The following PCDHGA4 variants were observed in gnomAD, a reference collection of about 807,000 sequenced individuals.
PCDHGA4 encodes protocadherin gamma-A4.
PCDHGA4 carries 38 observed loss-of-function variants against 54.6 expected under a neutral mutation model. The ratio of observed to expected loss-of-function variants is 0.70; its 90% CI spans 0.54 to 0.91. The LOEUF is 0.91. Ranked by LOEUF, PCDHGA4 falls within the 40% of genes least tolerant of loss-of-function variation. PCDHGA4 has a pLI of 0.00. For synonymous variants in PCDHGA4, 511 were observed against 512.9 expected, an observed-to-expected ratio of 1.00 and a Z score of 0.05; for missense variants, 1,298 against 1,220.9, an observed-to-expected ratio of 1.06 and a Z score of -0.94.
chr5:141,497,573 T>C (rs1231425210), intron 2 of PCDHGA4, among the ~76,000 whole-genome samples: 1 of 149,502 alleles, frequency 6.7e-6, no homozygotes, highest in South Asian at 2.1e-4. Context: ...AGAGTCTTGC[T>C]CTGTTGCCCA....
intron 1 of PCDHGA4, chr5:141,377,922 C>A (rs1453139299): frequency 6.6e-6 from 1 of 152,166 alleles, no homozygotes; most frequent in East Asian, 1.9e-4. Context: ...TAAAAATCCA[C>A]CTGTAACTGC....
chr5:141,481,733 C>A (rs2099543522), intron 1 of PCDHGA4, among the ~76,000 whole-genome samples: 1 of 152,078 alleles, frequency 6.6e-6, no homozygotes, highest in Admixed American at 6.6e-5. Context: ...GCGGGCGGAT[C>A]ACGAGGTCAG....
chr5:141,438,641 C>CAT (rs2098042490), intron 1 of PCDHGA4, among the ~76,000 whole-genome samples: 2 of 79,354 alleles, frequency 2.5e-5, no homozygotes, highest in Non-Finnish European at 4.5e-5. Context: ...TATATACACA[C>CAT]ACACACACAC....
intron 1 of PCDHGA4, chr5:141,384,489 A>G: frequency 6.2e-7 from 1 of 1,614,168 alleles, no homozygotes. Flanking sequence ...AACTACAACT[A>G]AGAGTGACTG....
Position 141,422,492 on chromosome 5 carries a change from C to T in PCDHGA4, c.2514+64871C>T, listed in dbSNP as rs747903569. 2.5e-6 allele frequency: 4 copies of T among 1,613,934 alleles called. No homozygotes were observed. The East Asian group carries it at 6.7e-5, about 27-fold the overall frequency. ...GAGTTGGTCCAGAGCTACAATATAA[C>T]GTTGACAGCCACAGACCAGGGAAGC... On this transcript the variant is annotated intron_variant, in intron 1 of 3. Coordinates refer to ENST00000571252, the MANE Select transcript of PCDHGA4 (RefSeq NM_018917.4).
chr5:141,355,413 G>A lies in PCDHGA4; in HGVS notation c.306G>A (p.Arg102=), dbSNP rs1220592912. The change falls in exon 1 of 4, where the codon AGG becomes AGA. Residue 102 remains arginine (R), a synonymous_variant. Coordinates refer to ENST00000571252, the MANE Select transcript of PCDHGA4 (RefSeq NM_018917.4). ...GAGTCCGCATCGTCTCCAGAGGTAGGACGCAGCTTTTCGCCCTGAACCCGC... is the reference window on the plus strand; with the variant it reads ...GAGTCCGCATCGTCTCCAGAGGTAGAACGCAGCTTTTCGCCCTGAACCCGC... ...ERGVRIVSRG[R]TQLFALNPRS... is the part of the protein sequence containing the mutation. 1 of 1,614,108 alleles carries A rather than the reference G, an allele frequency of 6.2e-7. No homozygotes were observed. The highest frequency in any genetic ancestry group is 2.2e-5 in the East Asian group (1 of 44,880).
In PCDHGA4 at chr5:141,370,450, T is replaced by A. The variant is rs1472088781; in HGVS notation, c.2514+12829T>A. On this transcript the variant is annotated intron_variant, in intron 1 of 3. Transcript: ENST00000571252. The stretch of plus-strand genomic sequence containing the variant: ...GCAGGGCAGAGGCGAATGCTATTTC[T>A]CTTCCTGCTCTCTTTGTTAGACCAG... 2.5e-6 allele frequency: 4 copies of A among 1,609,450 alleles called. No homozygotes were observed. The African/African-American group carries it at 5.4e-5, about 22-fold the overall frequency.
intron 1 of PCDHGA4, chr5:141,419,230 C>G (rs1439568232): frequency 6.2e-7 from 1 of 1,613,910 alleles, no homozygotes; most frequent in Non-Finnish European, 8.5e-7. Context: ...AGTCAGCCTA[C>G]CTGGTCCACG....
At chr5:141,422,122 A>C in intron 1 of PCDHGA4, 1 of 1,601,714 alleles carries the variant, frequency 6.2e-7, no homozygotes, top group Non-Finnish European at 8.5e-7. Context: ...GGATTCACAA[A>C]CTGGAGAAGT....
intron 1 of PCDHGA4, chr5:141,421,969 T>C (rs1039340340): frequency 1.2e-6 from 2 of 1,611,188 alleles, no homozygotes; most frequent in Admixed American, 1.7e-5. Flanking sequence ...ACAGTCCGTA[T>C]ATCGCGTGAG....
At chr5:141,459,945 G>T (rs113794146) in intron 1 of PCDHGA4, among the ~76,000 whole-genome samples, 54 of 152,164 alleles carry the variant, frequency 3.5e-4, no homozygotes, top group Middle Eastern at 3.2e-3. Flanking sequence ...GGGCGTGATG[G>T]CAGGTGCCTG....
intron 1 of PCDHGA4, chr5:141,405,402 C>T: frequency 6.3e-7 from 1 of 1,589,724 alleles, no homozygotes; most frequent in Non-Finnish European, 8.6e-7. Flanking sequence ...TTCTTTCTTT[C>T]TTTTCTTTTT....
Position 141,431,581 on chromosome 5 carries a change from T to C in PCDHGA4, c.2515-63226T>C. The C allele has an allele frequency of 1.2e-6, 2 of 1,614,160 alleles. No individual in the cohort carries two copies. Among genetic ancestry groups the C allele is most frequent in the Non-Finnish European group, 1.7e-6 (2 of 1,180,022 alleles). ...CTACCGACCCTGACGAAGGAGTCAA[T>C]GCGGAAGTGAGGTATTCCTTCCGGT... On this transcript the variant is annotated intron_variant, in intron 1 of 3. Transcript: ENST00000571252. This position sits in a 1 kb window ranked among gnomAD's most constrained non-coding sequence, Gnocchi z 4.8.
At chr5:141,389,863 T>C in intron 1 of PCDHGA4, 1 of 1,614,064 alleles carries the variant, frequency 6.2e-7, no homozygotes, top group South Asian at 1.1e-5. Flanking sequence ...ACGTTGCACC[T>C]GGTCTTCGCC....
At chr5:141,439,631 A>G (rs1459977985) in intron 1 of PCDHGA4, among the ~76,000 whole-genome samples, 2 of 152,214 alleles carry the variant, frequency 1.3e-5, no homozygotes, top group African/African-American at 2.4e-5. Context: ...ATCCCCAGAC[A>G]TTCCGGCTTG....
rs369551410 is a variant in PCDHGA4, at chr5:141,415,294, G to A, written c.2514+57673G>A. ...GGTAGCGGTGGCCGCGGTCTCCTGC[G>A]TCTTCCTGGCCTTCGTCATCGTGCT... On this transcript the variant is annotated intron_variant, in intron 1 of 3. Transcript: ENST00000571252. 10 of 1,614,050 alleles carry A rather than the reference G, an allele frequency of 6.2e-6. No homozygotes were observed. In the African/African-American group the frequency reaches 1.1e-4, roughly 17 times the overall value.
intron 1 of PCDHGA4, chr5:141,360,579 A>G (rs761569852): frequency 6.2e-7 from 1 of 1,614,014 alleles, no homozygotes; most frequent in Non-Finnish European, 8.5e-7. Flanking sequence ...CCACTAAGCC[A>G]GGTACAACAT....
At chr5:141,388,448 C>T in intron 1 of PCDHGA4, 1 of 1,613,760 alleles carries the variant, frequency 6.2e-7, no homozygotes, top group Non-Finnish European at 8.5e-7. Context: ...AATCAGATGG[C>T]AGTAAATACC....
At chr5:141,423,694 T>A in intron 1 of PCDHGA4, 1 of 1,501,554 alleles carries the variant, frequency 6.7e-7, no homozygotes, top group Non-Finnish European at 8.9e-7. Context: ...TAATTGTTGG[T>A]GTCTTGGCAC....
Sources: gnomAD v4.1 joint callset for allele counts (sites outside exome capture counted in the v4.1 genomes callset) on GRCh38, gnomAD v4.1.1 for gene constraint, Gnocchi (gnomAD v3.1) non-coding constraint, MANE v1.5 for transcripts, NCBI Gene and HGNC (gene_info 2026-07-23, HGNC 2026-07-21) for gene names.